FAM217B: variants seen among roughly 807,000 people sequenced by gnomAD.
The protein encoded by FAM217B is protein FAM217B.
For missense variants in FAM217B, 463 were observed against 456.9 expected (o/e 1.01, Z -0.12); for synonymous variants, 163 against 173.0 (o/e 0.94, Z 0.45).
chr20:59,937,087 A>C (rs983723237), upstream of FAM217B: 1 of 152,662 alleles, frequency 6.6e-6, no homozygotes, highest in Non-Finnish European at 1.5e-5. Context: ...AGGTTCACTT[A>C]ATATTAAATA....
chr20:59,939,362 G>A (rs754465409), upstream of FAM217B: 5 of 1,610,454 alleles, frequency 3.1e-6, no homozygotes, highest in African/African-American at 1.3e-5. Flanking sequence ...GCACCGTACC[G>A]CTGATGCCAA....
chr20:59,939,737 C>G, upstream of FAM217B: 1 of 1,247,362 alleles, frequency 8.0e-7, no homozygotes, highest in Non-Finnish European at 1.0e-6. Context: ...GGATGATGGG[C>G]CGCAGGCGGG....
rs200057708 is a variant in FAM217B, at chr20:59,944,351, A to G, written c.408A>G (p.Thr136=). The G allele has an allele frequency of 3.1e-5, 50 of 1,614,166 alleles. No homozygotes were observed. Among genetic ancestry groups the G allele is most frequent in the Non-Finnish European group, 3.6e-5 (42 of 1,180,036 alleles). The stretch of plus-strand genomic sequence containing the variant: ...ATCTTCACCCTGGTCAGGGCCATAC[A>G]AAACCTGAATACTATTATCCTAATT... ...YFDLHPGQGH[T]KPEYYYPNFL... is the part of the protein sequence containing the mutation. The change falls in exon 4 of 4, where the codon ACA becomes ACG. Residue 136 remains threonine (T), a synonymous_variant. Coordinates refer to ENST00000360816, the MANE Select transcript of FAM217B (RefSeq NM_022106.3).
chr20:59,943,295 G>A (rs1307259666), intron 3 of FAM217B, among the ~76,000 whole-genome samples: 2 of 152,094 alleles, frequency 1.3e-5, no homozygotes, highest in Non-Finnish European at 2.9e-5. Context: ...ATGTGTTACA[G>A]GGCACCATAT....
rs1420455663 is a variant in FAM217B, at chr20:59,944,609, G to A, written c.666G>A (p.Gly222=). The A allele has an allele frequency of 6.2e-7, 1 of 1,614,038 alleles. No homozygotes were observed. The highest frequency in any genetic ancestry group is 1.1e-5 in the South Asian group (1 of 91,076). Residue 222 remains glycine, a synonymous_variant, in exon 4 of 4, where the codon GGG becomes GGA. Transcript: ENST00000360816. ...CCTCAGGGGCACTGAAAAGCCCTGG[G>A]AGAAGTAAGCTAATTGCTAGTGCTC... ...PGTSGALKSP[G]RSKLIASALS... is the part of the protein sequence containing the mutation.
intron 3 of FAM217B, 92 bp from the exon 4 acceptor site, chr20:59,943,848 A>G (rs1281460375): frequency 2.7e-6 from 3 of 1,109,290 alleles, no homozygotes; most frequent in Non-Finnish European, 3.8e-6. Flanking sequence ...GACAAAAAAA[A>G]GTACAACTAG....
In FAM217B at chr20:59,946,310, A is replaced by G. The variant is rs1037965506; in HGVS notation, c.*1215A>G. ...TGCGCAGTGTATTTTAATACGGCCCATGTCATTATAGTTGATTTTATCCCT... is the reference window on the plus strand; with the variant it reads ...TGCGCAGTGTATTTTAATACGGCCCGTGTCATTATAGTTGATTTTATCCCT... On this transcript the variant is annotated 3_prime_UTR_variant, in exon 4 of 4. Coordinates refer to ENST00000360816, the MANE Select transcript of FAM217B (RefSeq NM_022106.3). 1 of 167,010 alleles carries G rather than the reference A, an allele frequency of 6.0e-6. No individual in the cohort carries two copies. The highest frequency in any genetic ancestry group is 2.4e-5 in the African/African-American group (1 of 41,412). 10.3% of individuals were successfully genotyped at this position (167,010 alleles called of 1,614,324 possible).
At chr20:59,942,635 T>C (rs1335705162) in intron 3 of FAM217B, 123 bp downstream of exon 3, 1 of 152,226 alleles carries the variant, frequency 6.6e-6, no homozygotes, top group Non-Finnish European at 1.5e-5. Flanking sequence ...TTTATAATTT[T>C]TTTCTAGCAG....
chr20:59,940,136 AAATTG>A (rs2060891772), upstream of FAM217B: 1 of 415,358 alleles, frequency 2.4e-6, no homozygotes, highest in Admixed American at 4.5e-5. Flanking sequence ...GCGGTTAAAG[AAATTG>A]TAAGAGTGGG....
At chr20:59,937,604 G>T (rs986714977), upstream of FAM217B, 2 of 151,726 alleles carry the variant, frequency 1.3e-5, no homozygotes, top group Admixed American at 1.3e-4. Context: ...GCATAAAATT[G>T]ATCAGACTGG....
At chr20:59,939,817 G>A, upstream of FAM217B, 1 of 1,235,172 alleles carries the variant, frequency 8.1e-7, no homozygotes, top group South Asian at 4.0e-5. Context: ...CTACAGGCCC[G>A]CGGCTCCAGG....
chr20:59,939,549 G>A, upstream of FAM217B: 1 of 1,611,760 alleles, frequency 6.2e-7, no homozygotes, highest in Non-Finnish European at 8.5e-7. Flanking sequence ...CACGTGCAGC[G>A]GCACGGACGG....
chr20:59,937,266 C>T (rs1232739009), upstream of FAM217B: 2 of 152,614 alleles, frequency 1.3e-5, no homozygotes, highest in Non-Finnish European at 2.9e-5. Flanking sequence ...GCAGTGAAGG[C>T]CCTAACAGGC....
At chr20:59,939,332 G>C (rs751359121), upstream of FAM217B, 12 of 1,611,388 alleles carry the variant, frequency 7.4e-6, no homozygotes, top group African/African-American at 1.6e-4. Flanking sequence ...CCTGCTTCTC[G>C]AAGGCCACGT....
In FAM217B at chr20:59,945,165, A is replaced by T. The variant is rs1460626609; in HGVS notation, c.*70A>T. On this transcript the variant is annotated 3_prime_UTR_variant, in exon 4 of 4. Coordinates refer to ENST00000360816, the MANE Select transcript of FAM217B (RefSeq NM_022106.3). The stretch of plus-strand genomic sequence containing the variant: ...TTAGAGCGCTTCCAAAAGTCAAAAT[A>T]CTGTGAATTTTAAGGAATTTTACAA... The T allele has an allele frequency of 7.7e-7, 1 of 1,299,130 alleles. No individual in the cohort carries two copies. The highest frequency in any genetic ancestry group is 1.0e-6 in the Non-Finnish European group (1 of 964,274). 80.5% of individuals were successfully genotyped at this position (1,299,130 alleles called of 1,614,324 possible).
chr20:59,934,101 C>T (rs976621639), intron 1 of FAM217B, among the ~76,000 whole-genome samples: 2 of 152,144 alleles, frequency 1.3e-5, no homozygotes, highest in African/African-American at 4.8e-5. Context: ...GCCAGCCCTG[C>T]AGGGGCGAGC....
intron 1 of FAM217B, among the ~76,000 whole-genome samples, chr20:59,935,125 G>C (rs972010543): frequency 6.6e-6 from 1 of 152,208 alleles, no homozygotes; most frequent in Admixed American, 6.5e-5. Flanking sequence ...AATGTAAGAA[G>C]ATCGAAGAGT....
At chr20:59,941,269 A>G (rs767945930) in intron 1 of FAM217B, among the ~76,000 whole-genome samples, 1 of 152,214 alleles carries the variant, frequency 6.6e-6, no homozygotes, top group Non-Finnish European at 1.5e-5. Context: ...GACAAAGCAG[A>G]AAGAAAACCA....
chr20:59,940,217 T>C, upstream of FAM217B: 1 of 308,420 alleles, frequency 3.2e-6, no homozygotes, highest in Non-Finnish European at 6.2e-6. Context: ...TCTTTTTTCT[T>C]CTTGCTTCCT....
Sources: allele counts gnomAD v4.1 joint callset (sites outside exome capture counted in the v4.1 genomes callset), GRCh38; gene constraint gnomAD v4.1.1; transcripts MANE v1.5; gene names NCBI Gene and HGNC (gene_info 2026-07-23, HGNC 2026-07-21).